The following CADPS2 variants were observed in gnomAD, a reference collection of about 807,000 sequenced individuals.
CADPS2 encodes the protein calcium-dependent secretion activator 2.
In CADPS2, 93 loss-of-function variants were observed where a neutral mutation model predicts 172.5. The ratio of observed to expected loss-of-function variants is 0.54; its 90% CI spans 0.46 to 0.64. CADPS2 has a LOEUF of 0.64. Ranked by LOEUF, CADPS2 falls within the 30% of genes least tolerant of loss-of-function variation. CADPS2 has a pLI of 0.00. For synonymous variants in CADPS2, 546 were observed against 555.2 expected (o/e 0.98, Z 0.23); for missense variants, 1,420 against 1,565.9 (o/e 0.91, Z 1.57).
At chr7:122,512,069 G>A (rs2060041283) in intron 9 of CADPS2, among the ~76,000 whole-genome samples, 1 of 152,036 alleles carries the variant, frequency 6.6e-6, no homozygotes, top group Non-Finnish European at 1.5e-5. Context: ...TTCTAATCAT[G>A]TAAGAAGAGG....
At chr7:122,508,464 T>G (rs1269708090) in intron 9 of CADPS2, among the ~76,000 whole-genome samples, 2 of 134,898 alleles carry the variant, frequency 1.5e-5, no homozygotes, top group Non-Finnish European at 3.2e-5. Flanking sequence ...TTTTTTTTTT[T>G]TTTTTTTTTT....
intron 7 of CADPS2, among the ~76,000 whole-genome samples, chr7:122,560,623 G>C (rs1038364312): frequency 6.6e-6 from 1 of 152,154 alleles, no homozygotes. Flanking sequence ...TTACAAACAG[G>C]TGTCCTTGAG....
At chr7:122,372,161 T>A (rs1431281072) in intron 25 of CADPS2, among the ~76,000 whole-genome samples, 2 of 152,236 alleles carry the variant, frequency 1.3e-5, no homozygotes, top group Non-Finnish European at 2.9e-5. Context: ...GTAACTTGAC[T>A]AAGATCAGAC....
chr7:122,608,401 C>T (rs980651884), intron 6 of CADPS2, among the ~76,000 whole-genome samples: 2 of 152,136 alleles, frequency 1.3e-5, no homozygotes, highest in African/African-American at 4.8e-5. Context: ...TATATGCAGT[C>T]TGTATTTAAT....
chr7:122,323,563 A>G (rs1051205974), intron 29 of CADPS2, among the ~76,000 whole-genome samples: 4 of 152,018 alleles, frequency 2.6e-5, no homozygotes, highest in African/African-American at 9.7e-5. Flanking sequence ...TTATACCTCA[A>G]TAAAATGAAA....
intron 28 of CADPS2, among the ~76,000 whole-genome samples, chr7:122,334,359 A>C (rs1264625503): frequency 1.3e-5 from 2 of 152,224 alleles, no homozygotes; most frequent in East Asian, 3.9e-4. Flanking sequence ...GGGGTGTATT[A>C]GGAGGCATGG....
chr7:122,723,795 T>C lies in CADPS2; in HGVS notation c.453+13160A>G, dbSNP rs577766650. 4.2e-4 allele frequency among the ~76,000 whole-genome samples: 64 copies of C among 152,176 alleles called. No homozygotes were observed. In the South Asian group the frequency reaches 0.011, roughly 27 times the overall value. On this transcript the variant is annotated intron_variant, in intron 2 of 29. Coordinates refer to ENST00000449022, the MANE Select transcript of CADPS2 (RefSeq NM_017954.11). ...AACCAACACAAATGTCCATCAATGA[T>C]AGACTGGATTAAGAAAATGTGGCAC... is the stretch of plus-strand genomic sequence containing the variant.
intron 2 of CADPS2, chr7:122,702,971 G>A (rs942683967): frequency 4.2e-6 from 2 of 471,188 alleles, no homozygotes; most frequent in African/African-American, 4.0e-5. Context: ...TTGGTACCAT[G>A]TGATTTCAAG....
intron 7 of CADPS2, among the ~76,000 whole-genome samples, chr7:122,575,734 G>C (rs1000520268): frequency 6.6e-6 from 1 of 152,096 alleles, no homozygotes; most frequent in African/African-American, 2.4e-5. Context: ...ACTGCACCTG[G>C]ACAGAAATGT....
chr7:122,464,603 C>T (rs1011749701), intron 14 of CADPS2, among the ~76,000 whole-genome samples: 16 of 152,112 alleles, frequency 1.1e-4, no homozygotes, highest in Non-Finnish European at 2.4e-4. Context: ...ATTATGTACT[C>T]CCTGATAGAA....
chr7:122,495,221 G>C (rs1683595636), intron 9 of CADPS2, among the ~76,000 whole-genome samples: 1 of 151,964 alleles, frequency 6.6e-6, no homozygotes, highest in African/African-American at 2.4e-5. Flanking sequence ...TAATTTCTTA[G>C]AGATACATAT....
rs1202021592 is a variant in CADPS2, at chr7:122,663,286, A to G, written c.737T>C (p.Ile246Thr). 1 of 1,613,782 alleles carries G rather than the reference A, an allele frequency of 6.2e-7. No homozygotes were observed. The highest frequency in any genetic ancestry group is 8.5e-7 in the Non-Finnish European group (1 of 1,179,856). The change falls in exon 3 of 30, where the codon ATT becomes ACT. Residue 246 changes from isoleucine (I) to threonine (T), a missense_variant. Transcript: ENST00000449022. Reference sequence around the variant, plus strand: ...GTGTTCCAGTTTTTTAATACCCAGAATCTGCTGAAACATTTCATAGAGTTG... The same window carrying G: ...GTGTTCCAGTTTTTTAATACCCAGAGTCTGCTGAAACATTTCATAGAGTTG... Reference protein sequence around the residue: ...KEQLYEMFQQILGIKKLEHQL... With the variant: ...KEQLYEMFQQTLGIKKLEHQL...
intron 20 of CADPS2, among the ~76,000 whole-genome samples, chr7:122,400,498 T>C (rs1054114669): frequency 1.3e-5 from 2 of 151,804 alleles, no homozygotes; most frequent in Non-Finnish European, 2.9e-5. Flanking sequence ...AAAAAGAAAT[T>C]AGAACAGTAC....
chr7:122,858,533 G>A (rs567131666), intron 1 of CADPS2, among the ~76,000 whole-genome samples: 6 of 152,218 alleles, frequency 3.9e-5, no homozygotes, highest in African/African-American at 1.4e-4. Context: ...TACAGAAATA[G>A]AAAAAGATAA....
intron 3 of CADPS2, among the ~76,000 whole-genome samples, chr7:122,639,935 C>T (rs559729451): frequency 2.6e-5 from 4 of 152,222 alleles, no homozygotes; most frequent in East Asian, 1.9e-4. Flanking sequence ...ATCTATAGCA[C>T]GAAACTCTTG....
At chr7:122,698,939 T>G in intron 2 of CADPS2, 13 of 1,525,612 alleles carry the variant, frequency 8.5e-6, no homozygotes, top group Non-Finnish European at 1.1e-5. Context: ...TCCGAGTGAC[T>G]TAAGAACCAA....
intron 22 of CADPS2, among the ~76,000 whole-genome samples, chr7:122,391,089 T>A (rs926834007): frequency 6.6e-5 from 10 of 152,060 alleles, no homozygotes; most frequent in Non-Finnish European, 8.8e-5. Flanking sequence ...ATTCTTTATG[T>A]TAAATATAAA....
intron 7 of CADPS2, among the ~76,000 whole-genome samples, chr7:122,568,955 C>T (rs2066827892): frequency 6.6e-6 from 1 of 152,124 alleles, no homozygotes; most frequent in Non-Finnish European, 1.5e-5. Context: ...GAAGCATTCC[C>T]TTTGAAAACT....
chr7:122,434,430 T>C (rs2050384008), intron 17 of CADPS2, among the ~76,000 whole-genome samples: 1 of 152,154 alleles, frequency 6.6e-6, no homozygotes, highest in Non-Finnish European at 1.5e-5. Flanking sequence ...CATACAAAAT[T>C]TGACCAAAAT....
Sources: gnomAD v4.1 joint callset for allele counts (sites outside exome capture counted in the v4.1 genomes callset) on GRCh38, gnomAD v4.1.1 for gene constraint, MANE v1.5 for transcripts, NCBI Gene and HGNC (gene_info 2026-07-23, HGNC 2026-07-21) for gene names.